The following EXOC6B variants were observed in gnomAD, a reference collection of about 807,000 sequenced individuals.
EXOC6B encodes exocyst complex component 6B, also known as SEC15 homolog B.
In EXOC6B, 54 loss-of-function variants were observed where a neutral mutation model predicts 113.5. That is an observed-to-expected ratio of 0.48 (90% CI 0.38 to 0.60). The LOEUF is 0.60. EXOC6B is among the 20% of genes least tolerant of loss of function. The probability of loss-of-function intolerance (pLI) is 0.00; values close to 1 mark genes in which losing one functional copy is unlikely to be tolerated. For synonymous variants in EXOC6B, 357 were observed against 339.0 expected (o/e 1.05, Z -0.58); for missense variants, 797 against 977.5 (o/e 0.82, Z 2.46).
chr2:72,513,212 C>T lies in EXOC6B; in HGVS notation c.1087G>A (p.Gly363Ser), dbSNP rs1701039316. ...VEDHILHTTQ[G>S]LVNRAYIDEL... ...TCAATGTAGGCTCTATTTACTAAGC[C>T]CTGGGTTGTATGTAAAATGTGATCT... The change falls in exon 11 of 22, where the codon GGC becomes AGC. Residue 363 changes from glycine to serine, a missense_variant. Gly to Ser is a moderately conservative substitution (Grantham distance 56, BLOSUM62 0). Coordinates refer to ENST00000272427, the MANE Select transcript of EXOC6B (RefSeq NM_015189.3). The T allele has an allele frequency of 1.9e-6, 3 of 1,613,160 alleles. No individual in the cohort carries two copies. The highest frequency in any genetic ancestry group is 2.5e-6 in the Non-Finnish European group (3 of 1,179,366).
intron 18 of EXOC6B, among the ~76,000 whole-genome samples, chr2:72,391,232 T>C (rs1251634856): frequency 6.6e-6 from 1 of 152,230 alleles, no homozygotes; most frequent in Non-Finnish European, 1.5e-5. Flanking sequence ...ATGTTTATGG[T>C]TGAGATCAAG....
At chr2:72,257,462 C>A (rs1559066728) in intron 20 of EXOC6B, among the ~76,000 whole-genome samples, 1 of 152,096 alleles carries the variant, frequency 6.6e-6, no homozygotes, top group Non-Finnish European at 1.5e-5. Flanking sequence ...ATTAATTGAT[C>A]CTGAGTAAGC....
At chr2:72,332,370 G>C (rs1688461892) in intron 20 of EXOC6B, among the ~76,000 whole-genome samples, 1 of 151,854 alleles carries the variant, frequency 6.6e-6, no homozygotes, top group Non-Finnish European at 1.5e-5. Flanking sequence ...ATTCAGTTTT[G>C]GTCCATAAAA....
rs534978419 is a variant in EXOC6B at position 72,491,323 on chromosome 2, T to A, written c.1665+995A>T. Reference sequence around the variant, plus strand: ...TATCTTAATTCAGAGAAAGAGAAAATAACTCCAAAATCAGAAGTAAATGCC... The same window carrying A: ...TATCTTAATTCAGAGAAAGAGAAAAAAACTCCAAAATCAGAAGTAAATGCC... On this transcript the variant is annotated intron_variant, in intron 16 of 21. Transcript: ENST00000272427. Among the ~76,000 whole-genome samples the A allele has an allele frequency of 2.6e-5, 4 of 152,008 alleles. No homozygotes were observed. In the East Asian group the frequency reaches 5.8e-4, roughly 22 times the overall value.
At chr2:72,762,700 G>T (rs553419382) in intron 1 of EXOC6B, among the ~76,000 whole-genome samples, 1 of 151,918 alleles carries the variant, frequency 6.6e-6, no homozygotes, top group East Asian at 1.9e-4. Flanking sequence ...TCAAAATCTG[G>T]ATCTTCACAA....
intron 18 of EXOC6B, among the ~76,000 whole-genome samples, chr2:72,411,117 G>A (rs1000789565): frequency 6.6e-6 from 1 of 152,106 alleles, no homozygotes; most frequent in Non-Finnish European, 1.5e-5. Flanking sequence ...GTGGAGGTGT[G>A]GGAGGGTCTC....
chr2:72,659,196 T>A (rs537802191), intron 6 of EXOC6B, among the ~76,000 whole-genome samples: 1 of 152,076 alleles, frequency 6.6e-6, no homozygotes, highest in Non-Finnish European at 1.5e-5. Context: ...CAAAACAGCC[T>A]AAAATGAGAT....
chr2:72,688,556 G>C (rs891847721), intron 6 of EXOC6B, among the ~76,000 whole-genome samples: 2 of 152,044 alleles, frequency 1.3e-5, no homozygotes, highest in African/African-American at 4.8e-5. Context: ...CAGGGGCAGG[G>C]GGCAGGAGGA....
At chr2:72,392,469 T>G (rs1692450335) in intron 18 of EXOC6B, among the ~76,000 whole-genome samples, 1 of 152,250 alleles carries the variant, frequency 6.6e-6, no homozygotes, top group East Asian at 1.9e-4. Flanking sequence ...AATTCATCTT[T>G]GATACAATTT....
chr2:72,315,200 G>C (rs207461856), intron 20 of EXOC6B, among the ~76,000 whole-genome samples: 1 of 152,132 alleles, frequency 6.6e-6, no homozygotes, highest in Admixed American at 6.5e-5. Flanking sequence ...AGCTGGAAAA[G>C]AGCCTTCCAG....
chr2:72,185,146 A>C (rs1019975420), intron 20 of EXOC6B, among the ~76,000 whole-genome samples: 17 of 152,290 alleles, frequency 1.1e-4, no homozygotes, highest in African/African-American at 4.1e-4. Flanking sequence ...TCCCAGACTC[A>C]TATCACTGCA....
chr2:72,279,941 T>A (rs1685033734), intron 20 of EXOC6B, among the ~76,000 whole-genome samples: 1 of 152,118 alleles, frequency 6.6e-6, no homozygotes, highest in Non-Finnish European at 1.5e-5. Flanking sequence ...ATAACTTTTT[T>A]AAAGGTACTG....
intron 6 of EXOC6B, among the ~76,000 whole-genome samples, chr2:72,630,761 A>G (rs2104265640): frequency 6.6e-6 from 1 of 152,256 alleles, no homozygotes; most frequent in East Asian, 1.9e-4. Flanking sequence ...ACATAAAAGA[A>G]CTCTTGAGCT....
chr2:72,241,707 A>T (rs1682321791), intron 20 of EXOC6B, among the ~76,000 whole-genome samples: 1 of 152,144 alleles, frequency 6.6e-6, no homozygotes, highest in African/African-American at 2.4e-5. Flanking sequence ...GAAGATAGAA[A>T]TATTTAAAAT....
At chr2:72,369,972 C>A (rs60806585) in intron 19 of EXOC6B, among the ~76,000 whole-genome samples, 30,217 of 152,096 alleles carry the variant, frequency 0.2, 5,536 homozygotes, top group African/African-American at 0.49. Flanking sequence ...ATGTCTGAAA[C>A]ACCAAAAGCG....
At chr2:72,751,124 A>G (rs1450716651) in intron 1 of EXOC6B, among the ~76,000 whole-genome samples, 1 of 152,160 alleles carries the variant, frequency 6.6e-6, no homozygotes, top group East Asian at 1.9e-4. Context: ...GTCAACTTAC[A>G]GAGTTTATTT....
intron 6 of EXOC6B, among the ~76,000 whole-genome samples, chr2:72,590,805 G>A (rs1421498165): frequency 1.3e-5 from 2 of 151,960 alleles, no homozygotes; most frequent in African/African-American, 2.4e-5. Context: ...AGTGTCATAG[G>A]AAAATGGATA....
chr2:72,286,993 A>G (rs896200685), intron 20 of EXOC6B, among the ~76,000 whole-genome samples: 5 of 152,176 alleles, frequency 3.3e-5, no homozygotes, highest in Non-Finnish European at 7.3e-5. Context: ...GTCTCAGGAA[A>G]ATGTATTGCT....
intron 20 of EXOC6B, among the ~76,000 whole-genome samples, chr2:72,310,382 T>A (rs1381002137): frequency 6.6e-6 from 1 of 152,210 alleles, no homozygotes; most frequent in Non-Finnish European, 1.5e-5. Context: ...ATTTCCCTAA[T>A]GACTAATGAT....
Sources: gnomAD v4.1 joint callset for allele counts (sites outside exome capture counted in the v4.1 genomes callset) on GRCh38, gnomAD v4.1.1 for gene constraint, MANE v1.5 for transcripts, NCBI Gene and HGNC (gene_info 2026-07-23, HGNC 2026-07-21) for gene names.